FNDC3B: variants seen among roughly 807,000 people sequenced by gnomAD.
The protein encoded by FNDC3B is fibronectin type III domain-containing protein 3B.
In FNDC3B, 12 loss-of-function variants were observed where a neutral mutation model predicts 151.5. The observed-to-expected ratio is 0.08, with a 90% CI of 0.05 to 0.13. FNDC3B has a LOEUF of 0.13. Among genes scored for constraint, FNDC3B ranks in the 10% least tolerant of loss-of-function variants. FNDC3B has a pLI of 1.00. For synonymous variants in FNDC3B, 528 were observed against 549.0 expected, an observed-to-expected ratio of 0.96 and a Z score of 0.54; for missense variants, 1,214 against 1,505.3, an observed-to-expected ratio of 0.81 and a Z score of 3.20.
intron 10 of FNDC3B, among the ~76,000 whole-genome samples, chr3:172,309,731 C>CA (rs934127356): frequency 3.1e-4 from 47 of 152,252 alleles, no homozygotes; most frequent in African/African-American, 1.1e-3. Context: ...CATAATAGAG[C>CA]AATAACAACT....
At chr3:172,290,105 G>T (rs2108832847) in intron 7 of FNDC3B, among the ~76,000 whole-genome samples, 1 of 152,238 alleles carries the variant, frequency 6.6e-6, no homozygotes, top group East Asian at 1.9e-4. Flanking sequence ...GTTGTAAAAA[G>T]GATTATTTAA....
intron 6 of FNDC3B, among the ~76,000 whole-genome samples, chr3:172,275,824 G>GT (rs35473822): frequency 0.066 from 9,805 of 149,028 alleles, 361 homozygotes; most frequent in Non-Finnish European, 0.076. Flanking sequence ...TGATTATCTG[G>GT]TTTTTTTTTT....
At chr3:172,284,649 C>A (rs184696111) in intron 6 of FNDC3B, among the ~76,000 whole-genome samples, 60 of 150,618 alleles carry the variant, frequency 4.0e-4, no homozygotes, top group Admixed American at 7.3e-4. Context: ...TCCTTAGGTC[C>A]ACATCCCCCT....
chr3:172,045,011 A>C (rs1576813118), intron 1 of FNDC3B, among the ~76,000 whole-genome samples: 1 of 152,332 alleles, frequency 6.6e-6, no homozygotes, highest in Admixed American at 6.5e-5. Flanking sequence ...ATAAGGAGGA[A>C]AGATCTAACT....
intron 3 of FNDC3B, among the ~76,000 whole-genome samples, chr3:172,143,285 A>G (rs1012423659): frequency 2.0e-5 from 3 of 152,186 alleles, no homozygotes; most frequent in African/African-American, 7.2e-5. Context: ...TGTGTTTCCA[A>G]AAACAGTAAT....
At chr3:172,113,289 C>T (rs566774819) in intron 2 of FNDC3B, among the ~76,000 whole-genome samples, 9 of 152,210 alleles carry the variant, frequency 5.9e-5, no homozygotes, top group Admixed American at 5.9e-4. Context: ...AGCATAAAAG[C>T]GAATTTTTAT....
intron 7 of FNDC3B, among the ~76,000 whole-genome samples, chr3:172,295,104 A>G (rs1730536056): frequency 6.6e-6 from 1 of 152,230 alleles, no homozygotes; most frequent in Non-Finnish European, 1.5e-5. Flanking sequence ...ATTCCCTCGC[A>G]TGACATTATT....
At chr3:172,166,301 C>T (rs1185892584) in intron 3 of FNDC3B, among the ~76,000 whole-genome samples, 5 of 152,180 alleles carry the variant, frequency 3.3e-5, no homozygotes, top group Non-Finnish European at 7.3e-5. Context: ...GTATCTGCCA[C>T]AGAGGAGGCC....
intron 1 of FNDC3B, among the ~76,000 whole-genome samples, chr3:172,041,817 C>T (rs1716093754): frequency 6.6e-6 from 1 of 152,068 alleles, no homozygotes; most frequent in South Asian, 2.1e-4. Flanking sequence ...TGGAGGCTGA[C>T]TCTGAAATTT....
intron 1 of FNDC3B, among the ~76,000 whole-genome samples, chr3:172,092,735 G>T (rs1322250925): frequency 2.6e-5 from 4 of 152,230 alleles, no homozygotes; most frequent in African/African-American, 9.6e-5. Context: ...CTCAGCAGCG[G>T]TCTCTTGCTC....
intron 4 of FNDC3B, among the ~76,000 whole-genome samples, chr3:172,230,052 A>G (rs1726806071): frequency 6.6e-6 from 1 of 152,236 alleles, no homozygotes; most frequent in African/African-American, 2.4e-5. Context: ...CTAAAACTAT[A>G]AAACTTGAGA....
Position 172,390,853 on chromosome 3 carries a change from A to G in FNDC3B, c.3304-6311A>G, listed in dbSNP as rs75696383. Among the ~76,000 whole-genome samples, 151 of 152,258 alleles carry G rather than the reference A, an allele frequency of 9.9e-4. 4 individuals are homozygous for G. In the East Asian group the frequency reaches 0.027, roughly 27 times the overall value. On this transcript the variant is annotated intron_variant, in intron 25 of 25. Transcript: ENST00000415807. Reference sequence around the variant, plus strand: ...TGAGCAGGGAACTGCTTTCAATAACATCATAAAAGATAGTGTTTTCCTTTA... The same window carrying G: ...TGAGCAGGGAACTGCTTTCAATAACGTCATAAAAGATAGTGTTTTCCTTTA...
At chr3:172,062,246 C>T (rs1017858888) in intron 1 of FNDC3B, among the ~76,000 whole-genome samples, 1 of 151,958 alleles carries the variant, frequency 6.6e-6, no homozygotes, top group Non-Finnish European at 1.5e-5. Context: ...GGGAATTTGC[C>T]TCCTTTCTTC....
At chr3:172,243,274 T>C (rs1316267025) in intron 4 of FNDC3B, among the ~76,000 whole-genome samples, 1 of 152,202 alleles carries the variant, frequency 6.6e-6, no homozygotes, top group Non-Finnish European at 1.5e-5. Flanking sequence ...CATTTTCGGG[T>C]AACTTTTCAG....
At chr3:172,365,395 G>A (rs2108347567) in intron 23 of FNDC3B, among the ~76,000 whole-genome samples, 1 of 152,278 alleles carries the variant, frequency 6.6e-6, no homozygotes, top group East Asian at 1.9e-4. Flanking sequence ...TCCCGCTTGT[G>A]GCCAAGGTGA....
chr3:172,130,659 C>T (rs192367182), intron 2 of FNDC3B, among the ~76,000 whole-genome samples: 26 of 152,300 alleles, frequency 1.7e-4, no homozygotes, highest in Non-Finnish European at 3.4e-4. Context: ...GATAATGTGA[C>T]GACAGTCCGG....
At chr3:172,066,878 C>T (rs751549813) in intron 1 of FNDC3B, among the ~76,000 whole-genome samples, 3 of 152,182 alleles carry the variant, frequency 2.0e-5, no homozygotes, top group Non-Finnish European at 4.4e-5. Flanking sequence ...ATAGGCAGCT[C>T]TTTTGAAGCA....
At chr3:172,121,538 C>G (rs951968464) in intron 2 of FNDC3B, among the ~76,000 whole-genome samples, 2 of 152,176 alleles carry the variant, frequency 1.3e-5, no homozygotes, top group African/African-American at 4.8e-5. Flanking sequence ...TGTTTACAGT[C>G]TAGTTAGGAG....
At chr3:172,363,232 A>T (rs7639108) in intron 23 of FNDC3B, among the ~76,000 whole-genome samples, 1 of 152,062 alleles carries the variant, frequency 6.6e-6, no homozygotes, top group African/African-American at 2.4e-5. Flanking sequence ...TTCAGTAACC[A>T]TCAGGACAAA....
Sources: allele counts gnomAD v4.1 joint callset (sites outside exome capture counted in the v4.1 genomes callset), GRCh38; gene constraint gnomAD v4.1.1; transcripts MANE v1.5; gene names NCBI Gene and HGNC (gene_info 2026-07-23, HGNC 2026-07-21).